The following XKR9 variants were observed in gnomAD, a reference collection of about 807,000 sequenced individuals.
The protein encoded by XKR9 is XK-related protein 9.
In XKR9, 32 loss-of-function variants were observed where a neutral mutation model predicts 32.0. The observed-to-expected ratio is 1.00, with a 90% CI of 0.76 to 1.34. The LOEUF (loss-of-function observed/expected upper bound fraction) is 1.34, where lower values mean the gene tolerates loss of function less well. Among genes scored for constraint, XKR9 ranks in the 40% most tolerant of loss-of-function variants. The pLI is 0.00. For missense variants in XKR9, 546 were observed against 429.7 expected (o/e 1.27, Z -2.39); for synonymous variants, 168 against 143.4 (o/e 1.17, Z -1.22).
the XKR9 span, among the ~76,000 whole-genome samples, chr8:70,997,782 T>A: frequency 2.6e-5 from 4 of 152,094 alleles, no homozygotes; most frequent in Non-Finnish European, 5.9e-5. Context: ...TAAATAAAAG[T>A]AGTCTGTCTT....
In XKR9 at chr8:70,734,657, G is replaced by T; in HGVS notation, c.*233G>T. On this transcript the variant is annotated 3_prime_UTR_variant, in exon 5 of 5. Transcript: ENST00000408926. ...CTGCCTGGTAGAGCTGCCATCTTGA[G>T]CCTGAAATATAAGAAATGGTCTGGT... 2.9e-6 allele frequency: 1 copy of T among 341,424 alleles called. No homozygotes were observed. Among genetic ancestry groups the T allele is most frequent in the Non-Finnish European group, 4.7e-6 (1 of 211,178 alleles). The allele number at this position is 341,424 out of a possible 1,614,324, so 21.1% of individuals were successfully genotyped here.
the XKR9 span, among the ~76,000 whole-genome samples, chr8:70,915,421 T>C: frequency 6.6e-6 from 1 of 152,130 alleles, no homozygotes; most frequent in Non-Finnish European, 1.5e-5. Flanking sequence ...ATTCCTGCTA[T>C]AGTTAGCTAA....
chr8:70,956,243 T>C, the XKR9 span, among the ~76,000 whole-genome samples: 1 of 152,134 alleles, frequency 6.6e-6, no homozygotes, highest in Non-Finnish European at 1.5e-5. Flanking sequence ...AGTAGCTTTA[T>C]TGAGCAACAG....
At chr8:70,678,801 T>C (rs192389199) in intron 2 of XKR9, among the ~76,000 whole-genome samples, 2 of 152,354 alleles carry the variant, frequency 1.3e-5, no homozygotes. Context: ...CTGAAGACTT[T>C]TTAGCAAAAT....
the XKR9 span, among the ~76,000 whole-genome samples, chr8:70,834,867 A>G: frequency 2.0e-5 from 3 of 152,220 alleles, no homozygotes; most frequent in South Asian, 6.2e-4. Context: ...TTAAACCACC[A>G]CAGATTTGAA....
downstream of XKR9, among the ~76,000 whole-genome samples, chr8:70,739,177 G>A (rs1470683020): frequency 6.6e-6 from 1 of 152,070 alleles, no homozygotes; most frequent in Admixed American, 6.5e-5. Flanking sequence ...ATATATTTAG[G>A]ATAGTGAGCT....
the XKR9 span, among the ~76,000 whole-genome samples, chr8:70,917,455 T>G: frequency 6.6e-6 from 1 of 152,178 alleles, no homozygotes; most frequent in Non-Finnish European, 1.5e-5. Flanking sequence ...GGTTCCCAAC[T>G]CATGATGGTT....
At chr8:70,791,978 C>T (rs772752858), downstream of XKR9, among the ~76,000 whole-genome samples, 19 of 152,100 alleles carry the variant, frequency 1.2e-4, no homozygotes, top group South Asian at 6.2e-4. Context: ...GCTTTGGGCA[C>T]GTGTCTGTTT....
the XKR9 span, among the ~76,000 whole-genome samples, chr8:70,815,144 C>T: frequency 1.3e-5 from 2 of 151,004 alleles, no homozygotes; most frequent in Admixed American, 6.6e-5. Context: ...AATTTTTTTA[C>T]ATTGTATTTT....
At chr8:70,760,583 C>A (rs1183410881) in intron 2 of XKR9, among the ~76,000 whole-genome samples, 1 of 152,206 alleles carries the variant, frequency 6.6e-6, no homozygotes, top group African/African-American at 2.4e-5. Context: ...TGCCACACAA[C>A]CTTCCCCTTA....
At chr8:70,715,270 A>G (rs75859006) in intron 4 of XKR9, among the ~76,000 whole-genome samples, 4,210 of 152,270 alleles carry the variant, frequency 0.028, 193 homozygotes, top group African/African-American at 0.094. Flanking sequence ...CCTTAGCCAC[A>G]TCCCCAAAAT....
At chr8:70,819,499 A>G in the XKR9 span, among the ~76,000 whole-genome samples, 1 of 152,148 alleles carries the variant, frequency 6.6e-6, no homozygotes, top group Non-Finnish European at 1.5e-5. Flanking sequence ...TGATGAAAAG[A>G]CTGTTGTTCT....
At chr8:71,021,703 G>A in the XKR9 span, among the ~76,000 whole-genome samples, 3 of 151,922 alleles carry the variant, frequency 2.0e-5, 1 homozygote, top group Admixed American at 2.0e-4. Context: ...GGGTTTCACC[G>A]TGTCAGCCAG....
At chr8:70,795,944 C>A in the XKR9 span, among the ~76,000 whole-genome samples, 1 of 152,038 alleles carries the variant, frequency 6.6e-6, no homozygotes, top group Non-Finnish European at 1.5e-5. Context: ...GTTCACTCAA[C>A]ATTTGGTAGA....
At chr8:70,905,064 C>A in the XKR9 span, among the ~76,000 whole-genome samples, 1 of 152,266 alleles carries the variant, frequency 6.6e-6, no homozygotes, top group East Asian at 1.9e-4. Context: ...TTTTTTCCTT[C>A]ATTTCAACTT....
At chr8:70,758,382 G>T (rs1195384912) in intron 2 of XKR9, among the ~76,000 whole-genome samples, 1 of 152,068 alleles carries the variant, frequency 6.6e-6, no homozygotes, top group African/African-American at 2.4e-5. Context: ...AATTTTTTCT[G>T]TACACTAGTC....
chr8:70,743,103 A>T (rs1017352575), intron 2 of XKR9, among the ~76,000 whole-genome samples: 1 of 151,346 alleles, frequency 6.6e-6, no homozygotes. Flanking sequence ...TTTTTTTCCA[A>T]TTTGTTTCTC....
the XKR9 span, among the ~76,000 whole-genome samples, chr8:70,799,441 G>A: frequency 1.3e-5 from 2 of 151,998 alleles, no homozygotes; most frequent in Non-Finnish European, 2.9e-5. Flanking sequence ...AGTGATTCTC[G>A]TGCCTCAGCC....
chr8:70,803,383 C>A, the XKR9 span, among the ~76,000 whole-genome samples: 2 of 152,308 alleles, frequency 1.3e-5, no homozygotes, highest in South Asian at 4.1e-4. Context: ...TGGGTTTCAA[C>A]TTTCTCCTAA....
Sources: allele counts gnomAD v4.1 joint callset (sites outside exome capture counted in the v4.1 genomes callset), GRCh38; gene constraint gnomAD v4.1.1; transcripts MANE v1.5; gene names NCBI Gene and HGNC (gene_info 2026-07-23, HGNC 2026-07-21).